Variants in DNAL4 observed in about 807,000 individuals in gnomAD.
DNAL4 encodes dynein light chain, outer arm 4.
A neutral mutation model predicts 12.6 loss-of-function variants in DNAL4; 10 were observed. That is an observed-to-expected ratio of 0.79 (90% CI 0.49 to 1.34). The LOEUF is 1.34. DNAL4 is among the 40% of genes most tolerant of loss of function. The pLI, the probability that DNAL4 is intolerant of heterozygous loss-of-function variation, is 0.00. For missense variants in DNAL4, 128 were observed against 138.1 expected (o/e 0.93, Z 0.37); for synonymous variants, 46 against 53.1 (o/e 0.87, Z 0.58).
Position 38,782,616 on chromosome 22 carries a change from C to A in DNAL4, c.69+47G>T. On this transcript the variant is annotated intron_variant, in intron 2 of 3. Coordinates refer to ENST00000216068, the MANE Select transcript of DNAL4 (RefSeq NM_005740.3). This position sits in a 1 kb window ranked among gnomAD's most constrained non-coding sequence, Gnocchi z 5.1. Reference sequence around the variant, plus strand: ...CAAGCTCCACCCACCTCTCTCCAGGCTGTGTGGGCCCTGCCGGCAGTCCTG... The same window carrying A: ...CAAGCTCCACCCACCTCTCTCCAGGATGTGTGGGCCCTGCCGGCAGTCCTG... 1.3e-6 allele frequency: 2 copies of A among 1,595,960 alleles called. No individual in the cohort carries two copies. Among genetic ancestry groups the A allele is most frequent in the Admixed American group, 1.7e-5 (1 of 59,408 alleles).
intron 1 of DNAL4, among the ~76,000 whole-genome samples, chr22:38,792,543 G>A (rs1483911178): frequency 1.3e-5 from 2 of 152,126 alleles, no homozygotes; most frequent in Non-Finnish European, 2.9e-5. Flanking sequence ...TCGGCCTCCC[G>A]AAGTGCTGGG....
At chr22:38,787,684 A>C (rs553671341) in intron 1 of DNAL4, among the ~76,000 whole-genome samples, 4 of 152,324 alleles carry the variant, frequency 2.6e-5, no homozygotes, top group African/African-American at 9.6e-5. Flanking sequence ...CTATCTCCCA[A>C]GTTCCCACTA....
At chr22:38,780,356 T>G (rs987225491) in intron 3 of DNAL4, among the ~76,000 whole-genome samples, 1 of 152,178 alleles carries the variant, frequency 6.6e-6, no homozygotes, top group Non-Finnish European at 1.5e-5. Context: ...AATGGCTCAT[T>G]CAAGGGTACA....
intron 2 of DNAL4, 151 bp from the exon 3 acceptor site, chr22:38,781,160 G>A: frequency 1.3e-6 from 1 of 770,224 alleles, no homozygotes; most frequent in South Asian, 1.7e-5. Flanking sequence ...CTGACTGAGG[G>A]CCTGCAGCTG....
chr22:38,784,704 G>A (rs2093039554), intron 1 of DNAL4, among the ~76,000 whole-genome samples: 2 of 152,102 alleles, frequency 1.3e-5, no homozygotes, highest in East Asian at 1.9e-4. Context: ...TAGTAGAGAT[G>A]GGGTTTCACC....
intron 1 of DNAL4, among the ~76,000 whole-genome samples, chr22:38,787,256 T>G (rs2093043853): frequency 3.3e-5 from 5 of 151,788 alleles, no homozygotes; most frequent in Admixed American, 2.6e-4. Context: ...TTTTTTTTTT[T>G]TTGAGACAGC....
At chr22:38,786,558 CA>C (rs2093042548) in intron 1 of DNAL4, among the ~76,000 whole-genome samples, 1 of 147,094 alleles carries the variant, frequency 6.8e-6, no homozygotes, top group Admixed American at 6.6e-5. Flanking sequence ...GACTCAGTCT[CA>C]AAACAAAACA....
At chr22:38,789,101 G>A (rs942143568) in intron 1 of DNAL4, among the ~76,000 whole-genome samples, 4 of 152,158 alleles carry the variant, frequency 2.6e-5, no homozygotes, top group Non-Finnish European at 5.9e-5. Flanking sequence ...CAGAATGGGC[G>A]ATCTACATAC....
At chr22:38,785,307 A>C (rs965500039) in intron 1 of DNAL4, 6 of 152,200 alleles carry the variant, frequency 3.9e-5, no homozygotes, top group African/African-American at 1.4e-4. Flanking sequence ...CAGAAGGAAA[A>C]GGGCACACAG....
intron 1 of DNAL4, among the ~76,000 whole-genome samples, chr22:38,787,718 T>C (rs1389920909): frequency 3.3e-5 from 5 of 152,214 alleles, no homozygotes; most frequent in Admixed American, 1.3e-4. Flanking sequence ...GTGGTAGTAA[T>C]GAAGGAGGAA....
Position 38,779,628 on chromosome 22 carries a change from G to A in DNAL4, c.154-15C>T, listed in dbSNP as rs112106258. 2.5e-6 allele frequency: 4 copies of A among 1,590,676 alleles called. No individual in the cohort carries two copies. The highest frequency in any genetic ancestry group is 2.7e-5 in the African/African-American group (2 of 74,538). ...TTGGCGGCGCTCTGGAAGGAAGAGG[G>A]CACTTATCAAGGGGGCGCAGGGCAG... On this transcript the variant is annotated splice_polypyrimidine_tract_variant and intron_variant, in intron 3 of 3. Transcript: ENST00000216068. The surrounding 1 kb of genome is among the most constrained non-coding windows in gnomAD (Gnocchi z 4.3).
intron 1 of DNAL4, among the ~76,000 whole-genome samples, chr22:38,783,337 C>G (rs575905117): frequency 6.7e-6 from 1 of 149,434 alleles, no homozygotes; most frequent in Admixed American, 6.6e-5. Flanking sequence ...ACTACACACG[C>G]GGGCCTTCCC....
intron 3 of DNAL4, 72 bp downstream of exon 3, chr22:38,780,854 G>T: frequency 6.6e-7 from 1 of 1,505,176 alleles, no homozygotes; most frequent in Non-Finnish European, 9.2e-7. Context: ...CAACTGCAGG[G>T]AACAGGGGCC....
rs779657592 is a variant in DNAL4, at chr22:38,782,783, G to A, written c.-52C>T. 2 of 1,557,746 alleles carry A rather than the reference G, an allele frequency of 1.3e-6. No individual in the cohort carries two copies. Among genetic ancestry groups the A allele is most frequent in the Admixed American group, 3.9e-5 (2 of 51,384 alleles). On this transcript the variant is annotated 5_prime_UTR_variant, in exon 2 of 4. Coordinates refer to ENST00000216068, the MANE Select transcript of DNAL4 (RefSeq NM_005740.3). This position sits in a 1 kb window ranked among gnomAD's most constrained non-coding sequence, Gnocchi z 5.1. The stretch of plus-strand genomic sequence containing the variant: ...AGAGTGGGGCTTTCAGGAGGTGCTG[G>A]GACTGGCAGTTAAGACACACCCAGG...
chr22:38,779,383 G>A lies in DNAL4; in HGVS notation c.*66C>T. ...TTGGAAAAACCAGGACCTGCCTAGG[G>A]CTGCTCCCCACCCCAGATGAGTGGC... On this transcript the variant is annotated 3_prime_UTR_variant, in exon 4 of 4. Coordinates refer to ENST00000216068, the MANE Select transcript of DNAL4 (RefSeq NM_005740.3). This position sits in a 1 kb window ranked among gnomAD's most constrained non-coding sequence, Gnocchi z 4.3. 6.6e-7 allele frequency: 1 copy of A among 1,513,964 alleles called. No individual in the cohort carries two copies. Among genetic ancestry groups the A allele is most frequent in the South Asian group, 1.2e-5 (1 of 80,352 alleles). 93.8% of individuals were successfully genotyped at this position (1,513,964 alleles called of 1,614,324 possible). A position where few individuals can be genotyped will look rare whatever the true frequency, so the allele number is the denominator to read the frequency against.
chr22:38,780,926 C>T lies in DNAL4; in HGVS notation c.153G>A (p.Glu51=). ...TACEKFSNNN[E]SAAKMIKETM... ...GGGCCGCCTGCACTGCTGGCAATAC[C>T]TCGTTGTTGTTGGAGAATTTCTCAC... is the stretch of plus-strand genomic sequence containing the variant. Residue 51 remains glutamate (E), a splice_region_variant and synonymous_variant, in exon 3 of 4, where the codon GAG becomes GAA. Coordinates refer to ENST00000216068, the MANE Select transcript of DNAL4 (RefSeq NM_005740.3). 2 of 1,614,212 alleles carry T rather than the reference C, an allele frequency of 1.2e-6. No individual in the cohort carries two copies. Among genetic ancestry groups the T allele is most frequent in the Non-Finnish European group, 1.7e-6 (2 of 1,180,016 alleles).
At chr22:38,792,738 G>C (rs2093052883) in intron 1 of DNAL4, among the ~76,000 whole-genome samples, 1 of 152,174 alleles carries the variant, frequency 6.6e-6, no homozygotes, top group Non-Finnish European at 1.5e-5. Flanking sequence ...TAACACGCAT[G>C]GAGCTGTCAT....
Position 38,794,050 on chromosome 22 carries a change from C to G in DNAL4, c.-140+18G>C, listed in dbSNP as rs2093054948. On this transcript the variant is annotated intron_variant, in intron 1 of 3. Transcript: ENST00000216068. ...CGGCCCTCCCCGCCTGGCTGCCCGC[C>G]GCGCCCCGGGGCCTCACCTGCTCCT... The G allele has an allele frequency of 6.6e-6, 1 of 152,326 alleles. No individual in the cohort carries two copies. Among genetic ancestry groups the G allele is most frequent in the South Asian group, 2.1e-4 (1 of 4,830 alleles). The allele number at this position is 152,326 out of a possible 1,614,324, so 9.4% of individuals were successfully genotyped here.
Position 38,779,367 on chromosome 22 carries a change from C to G in DNAL4, c.*82G>C, listed in dbSNP as rs1189984864. 2 of 1,452,152 alleles carry G rather than the reference C, an allele frequency of 1.4e-6. No individual in the cohort carries two copies. Among genetic ancestry groups the G allele is most frequent in the South Asian group, 1.4e-5 (1 of 70,154 alleles). The allele number at this position is 1,452,152 out of a possible 1,614,324, so 90.0% of individuals were successfully genotyped here. On this transcript the variant is annotated 3_prime_UTR_variant, in exon 4 of 4. Transcript: ENST00000216068. The surrounding 1 kb of genome is among the most constrained non-coding windows in gnomAD (Gnocchi z 4.3). The stretch of plus-strand genomic sequence containing the variant: ...AAGACCCCAACTCTCCTTGGAAAAA[C>G]CAGGACCTGCCTAGGGCTGCTCCCC...
Sources: allele counts gnomAD v4.1 joint callset (sites outside exome capture counted in the v4.1 genomes callset), GRCh38; gene constraint gnomAD v4.1.1; non-coding constraint Gnocchi (gnomAD v3.1); transcripts MANE v1.5; gene names NCBI Gene and HGNC (gene_info 2026-07-23, HGNC 2026-07-21).